TLE4: variants seen among roughly 807,000 people sequenced by gnomAD.
The protein encoded by TLE4 is TLE family member 4, transcriptional corepressor.
TLE4 carries 8 observed loss-of-function variants against 92.8 expected under a neutral mutation model. The observed-to-expected ratio is 0.09, with a 90% CI of 0.05 to 0.16. The LOEUF (loss-of-function observed/expected upper bound fraction) is 0.16. TLE4 is among the 10% of genes least tolerant of loss of function. The probability of loss-of-function intolerance (pLI) is 1.00; values close to 1 mark genes in which losing one functional copy is unlikely to be tolerated. For missense variants in TLE4, 675 were observed against 997.6 expected (o/e 0.68, Z 4.36); for synonymous variants, 371 against 374.1 (o/e 0.99, Z 0.10).
chr9:79,636,656 C>G (rs952095323), intron 6 of TLE4, among the ~76,000 whole-genome samples: 2 of 152,096 alleles, frequency 1.3e-5, no homozygotes, highest in African/African-American at 4.8e-5. Flanking sequence ...TTGGCTGGCA[C>G]TCTTTTTACT....
chr9:79,688,755 T>C (rs890362190), intron 8 of TLE4, among the ~76,000 whole-genome samples: 22 of 151,986 alleles, frequency 1.4e-4, no homozygotes, highest in African/African-American at 5.3e-4. Context: ...AGTTTTATAC[T>C]CTTCAATTGC....
chr9:79,718,966 T>G lies in TLE4; in HGVS notation c.1585T>G (p.Cys529Gly). 6.2e-7 allele frequency: 1 copy of G among 1,608,822 alleles called. No homozygotes were observed. The change falls in exon 15 of 20, where the codon TGT (cysteine) becomes GGT (glycine). Residue 529 changes from cysteine (C) to glycine (G), a missense_variant. Coordinates refer to ENST00000376552, the MANE Select transcript of TLE4 (RefSeq NM_007005.6). Reference sequence around the variant, plus strand: ...TAAGAGTCCTGTCTCCCAGCTCGACTGTCTGGTGAGTGAACATGGATGAAC... The same window carrying G: ...TAAGAGTCCTGTCTCCCAGCTCGACGGTCTGGTGAGTGAACATGGATGAAC... ...GNKSPVSQLD[C>G]LNRDNYIRSC...
chr9:79,591,948 C>G (rs1041122228), intron 4 of TLE4, among the ~76,000 whole-genome samples: 3 of 152,200 alleles, frequency 2.0e-5, no homozygotes, highest in African/African-American at 7.2e-5. Flanking sequence ...TTACTTTCAT[C>G]TCTCCTGCCA....
intron 8 of TLE4, among the ~76,000 whole-genome samples, chr9:79,662,721 G>T (rs1294124956): frequency 6.6e-6 from 1 of 152,056 alleles, no homozygotes; most frequent in Non-Finnish European, 1.5e-5. Flanking sequence ...TCCTATTAAG[G>T]GGCCCCGGGT....
At chr9:79,613,724 C>T (rs771047257) in intron 5 of TLE4, among the ~76,000 whole-genome samples, 16 of 152,094 alleles carry the variant, frequency 1.1e-4, no homozygotes, top group Non-Finnish European at 2.4e-4. Context: ...TGCTTGCCAG[C>T]GGGCATGTGC....
intron 4 of TLE4, among the ~76,000 whole-genome samples, chr9:79,597,813 T>G (rs1249828050): frequency 6.6e-6 from 1 of 152,206 alleles, no homozygotes; most frequent in Non-Finnish European, 1.5e-5. Context: ...ATTCTTTGGC[T>G]TTATCTGTAA....
intron 6 of TLE4, among the ~76,000 whole-genome samples, chr9:79,652,200 T>C (rs150650120): frequency 0.077 from 11,696 of 152,172 alleles, 493 homozygotes; most frequent in Middle Eastern, 0.11. Context: ...TTTTCTTTTT[T>C]TTTTGAGATG....
At chr9:79,721,454 T>C (rs1319658039) in intron 16 of TLE4, among the ~76,000 whole-genome samples, 2 of 152,214 alleles carry the variant, frequency 1.3e-5, no homozygotes, top group African/African-American at 4.8e-5. Flanking sequence ...GCGTGTTTTC[T>C]TTTGTTAATT....
chr9:79,579,666 G>A (rs780269967), intron 4 of TLE4, among the ~76,000 whole-genome samples: 1 of 150,986 alleles, frequency 6.6e-6, no homozygotes, highest in Non-Finnish European at 1.5e-5. Flanking sequence ...GTGTGTATTT[G>A]TGTGTGTGTG....
intron 8 of TLE4, among the ~76,000 whole-genome samples, chr9:79,701,772 T>A (rs1412594970): frequency 6.6e-6 from 1 of 152,180 alleles, no homozygotes; most frequent in African/African-American, 2.4e-5. Context: ...GGAGTGAGAT[T>A]GAGGCGTGCA....
chr9:79,652,526 G>T lies in TLE4; in HGVS notation c.391-67G>T, dbSNP rs1417137018. 5 of 1,575,126 alleles carry T rather than the reference G, an allele frequency of 3.2e-6. No homozygotes were observed. In the African/African-American group the frequency reaches 5.4e-5, roughly 17 times the overall value. ...TACTGCCGATTTATGCCTCCTTTCT[G>T]TTTCTCTTGGGGCAGGGGTTGGATA... On this transcript the variant is annotated intron_variant, in intron 6 of 19. Transcript: ENST00000376552.
chr9:79,634,074 AAG>A (rs1564528487), intron 6 of TLE4, among the ~76,000 whole-genome samples: 6 of 152,310 alleles, frequency 3.9e-5, no homozygotes. Context: ...AGTGAATAGC[AAG>A]AGTTATTTAA....
chr9:79,700,603 A>T (rs927193652), intron 8 of TLE4, among the ~76,000 whole-genome samples: 1 of 152,184 alleles, frequency 6.6e-6, no homozygotes, highest in African/African-American at 2.4e-5. Context: ...TACCAAAGCA[A>T]TTGGGGTTTC....
chr9:79,719,696 G>A (rs2075253857), intron 15 of TLE4, among the ~76,000 whole-genome samples: 1 of 152,148 alleles, frequency 6.6e-6, no homozygotes, highest in African/African-American at 2.4e-5. Flanking sequence ...AAGGTTCCAA[G>A]TTTGGATACT....
At chr9:79,642,472 T>G (rs1391940754) in intron 6 of TLE4, among the ~76,000 whole-genome samples, 1 of 151,958 alleles carries the variant, frequency 6.6e-6, no homozygotes, top group Non-Finnish European at 1.5e-5. Context: ...AAGAAAGCTT[T>G]TCTGAGTACA....
chr9:79,717,298 A>G (rs2074697524), intron 14 of TLE4, among the ~76,000 whole-genome samples: 1 of 152,154 alleles, frequency 6.6e-6, no homozygotes, highest in South Asian at 2.1e-4. Flanking sequence ...CAGTCTACCT[A>G]GTCACCCAGG....
At chr9:79,586,029 A>G (rs2040991024) in intron 4 of TLE4, among the ~76,000 whole-genome samples, 1 of 152,212 alleles carries the variant, frequency 6.6e-6, no homozygotes, top group African/African-American at 2.4e-5. Flanking sequence ...CATAAAATAT[A>G]TCAGTATGTC....
intron 8 of TLE4, among the ~76,000 whole-genome samples, chr9:79,669,143 A>G (rs2061858699): frequency 6.6e-6 from 1 of 152,116 alleles, no homozygotes; most frequent in African/African-American, 2.4e-5. Context: ...ATGTCTCCAA[A>G]TGAAAGTTCC....
At chr9:79,645,745 A>G (rs1214417298) in intron 6 of TLE4, among the ~76,000 whole-genome samples, 4 of 152,210 alleles carry the variant, frequency 2.6e-5, no homozygotes, top group African/African-American at 7.2e-5. Flanking sequence ...AATTATCTTA[A>G]TGGAGTACTT....
Sources: allele counts gnomAD v4.1 joint callset (sites outside exome capture counted in the v4.1 genomes callset), GRCh38; gene constraint gnomAD v4.1.1; transcripts MANE v1.5; gene names NCBI Gene and HGNC (gene_info 2026-07-23, HGNC 2026-07-21).